MCRIP1: variants seen among roughly 807,000 people sequenced by gnomAD.
The protein encoded by MCRIP1 is MAPK regulated corepressor interacting protein 1.
In MCRIP1, 10 loss-of-function variants were observed where a neutral mutation model predicts 14.4. The observed-to-expected ratio is 0.70, with a 90% CI of 0.43 to 1.18. The LOEUF (loss-of-function observed/expected upper bound fraction) is 1.18. Among genes scored for constraint, MCRIP1 ranks in the 50% most tolerant of loss-of-function variants. The pLI is 0.00. For missense variants in MCRIP1, 119 were observed against 135.4 expected, an observed-to-expected ratio of 0.88 and a Z score of 0.60; for synonymous variants, 53 against 55.7, an observed-to-expected ratio of 0.95 and a Z score of 0.21.
intron 1 of MCRIP1, chr17:81,826,185 C>T: frequency 1.3e-6 from 2 of 1,507,138 alleles, no homozygotes; most frequent in South Asian, 2.6e-5. Context: ...CCCACATCCT[C>T]CCAAGCAACT....
Position 81,823,333 on chromosome 17 carries a change from G to T in MCRIP1, c.230-22C>A. ...AAGGCTGCCAGGGGACAACGCGGTA[G>T]GTGGTGGGCACAGGCCCCTCCTGCC... On this transcript the variant is annotated intron_variant, in intron 4 of 4. Coordinates refer to ENST00000455127, the MANE Select transcript of MCRIP1 (RefSeq NM_207368.5). This position sits in a 1 kb window ranked among gnomAD's most constrained non-coding sequence, Gnocchi z 6.0. 3 of 1,536,906 alleles carry T rather than the reference G, an allele frequency of 2.0e-6. No homozygotes were observed. Among genetic ancestry groups the T allele is most frequent in the Non-Finnish European group, 2.6e-6 (3 of 1,146,756 alleles).
intron 1 of MCRIP1, among the ~76,000 whole-genome samples, chr17:81,831,983 A>C (rs2038529422): frequency 6.6e-6 from 1 of 152,086 alleles, no homozygotes; most frequent in African/African-American, 2.4e-5. Flanking sequence ...GAGGGGACAG[A>C]ACCCCAGTCT....
chr17:81,825,605 T>TG (rs1420502385), intron 1 of MCRIP1: 1 of 1,289,342 alleles, frequency 7.8e-7, no homozygotes, highest in Admixed American at 2.3e-5. Context: ...CTCATGTCAA[T>TG]GGTCCAGCCC....
At chr17:81,828,888 G>A (rs2038463690) in intron 1 of MCRIP1, among the ~76,000 whole-genome samples, 2 of 152,232 alleles carry the variant, frequency 1.3e-5, no homozygotes, top group African/African-American at 2.4e-5. Flanking sequence ...AACCTCAGCG[G>A]GGCGGCCTAG....
chr17:81,829,300 C>A (rs145575020), intron 1 of MCRIP1, among the ~76,000 whole-genome samples: 5,369 of 152,226 alleles, frequency 0.035, 331 homozygotes, highest in African/African-American at 0.12. Context: ...GAGAGACAGC[C>A]CCACTTCAGA....
intron 1 of MCRIP1, chr17:81,824,764 C>T (rs1292834052): frequency 7.7e-6 from 11 of 1,421,868 alleles, no homozygotes; most frequent in Non-Finnish European, 1.0e-5. Flanking sequence ...AGAGAGCTGG[C>T]CAGACGAGCC....
chr17:81,830,458 G>C (rs761087043), intron 1 of MCRIP1, among the ~76,000 whole-genome samples: 2 of 148,722 alleles, frequency 1.3e-5, no homozygotes, highest in Non-Finnish European at 3.0e-5. Context: ...CCAGCATGGT[G>C]AAACCCCGTC....
chr17:81,831,919 T>C (rs958197831), intron 1 of MCRIP1, among the ~76,000 whole-genome samples: 11 of 152,160 alleles, frequency 7.2e-5, no homozygotes, highest in African/African-American at 2.4e-4. Flanking sequence ...GGTAGAACTA[T>C]GTAGAACCTT....
chr17:81,830,593 C>T (rs1420303087), intron 1 of MCRIP1, among the ~76,000 whole-genome samples: 2 of 151,768 alleles, frequency 1.3e-5, no homozygotes, highest in Non-Finnish European at 2.9e-5. Flanking sequence ...GCCAAGATCA[C>T]GCCATTGCAC....
intron 1 of MCRIP1, among the ~76,000 whole-genome samples, chr17:81,827,290 G>A (rs2038426921): frequency 6.6e-6 from 1 of 151,174 alleles, no homozygotes. Context: ...TTATTTATTT[G>A]AGATGGAGTC....
rs777878475 is a variant in MCRIP1, at chr17:81,824,415, C to A, written c.9-10G>T. ...TCTGGAGACGGGGGAGCTGGGGGAGCCTGGCGCATGAGACAGGGCACACAG... is the reference window on the plus strand; with the variant it reads ...TCTGGAGACGGGGGAGCTGGGGGAGACTGGCGCATGAGACAGGGCACACAG... On this transcript the variant is annotated splice_polypyrimidine_tract_variant and intron_variant, in intron 2 of 4. Coordinates refer to ENST00000455127, the MANE Select transcript of MCRIP1 (RefSeq NM_207368.5). 5.8e-5 allele frequency: 89 copies of A among 1,533,316 alleles called. No homozygotes were observed. Among genetic ancestry groups the A allele is most frequent in the South Asian group, 1.2e-5 (1 of 83,900 alleles). 95.0% of individuals were successfully genotyped at this position (1,533,316 alleles called of 1,614,324 possible).
chr17:81,826,223 GTGCA>G, intron 1 of MCRIP1: 2 of 1,523,286 alleles, frequency 1.3e-6, no homozygotes, highest in South Asian at 1.2e-5. Context: ...TTTGCCTTGT[GTGCA>G]CACACACACA....
rs749650035 is a variant in MCRIP1 at position 81,823,219 on chromosome 17, C to T, written c.*28G>A. ...ACCGACACCTCGCACCCTGATCTTC[C>T]GGAGGCCGGGGAGGGGCACCGGGCG... On this transcript the variant is annotated 3_prime_UTR_variant, in exon 5 of 5. Coordinates refer to ENST00000455127, the MANE Select transcript of MCRIP1 (RefSeq NM_207368.5). The surrounding 1 kb of genome is among the most constrained non-coding windows in gnomAD (Gnocchi z 6.0). 1.6e-5 allele frequency: 24 copies of T among 1,534,862 alleles called. No individual in the cohort carries two copies. Among genetic ancestry groups the T allele is most frequent in the Middle Eastern group, 3.9e-4 (2 of 5,116 alleles).
intron 1 of MCRIP1, among the ~76,000 whole-genome samples, chr17:81,827,717 G>A (rs1201829128): frequency 3.3e-5 from 5 of 150,690 alleles, no homozygotes; most frequent in African/African-American, 4.9e-5. Flanking sequence ...GGGAGACTCT[G>A]TCTCTAAGTA....
chr17:81,832,806 A>C (rs2038546632), intron 1 of MCRIP1, among the ~76,000 whole-genome samples: 1 of 152,230 alleles, frequency 6.6e-6, no homozygotes, highest in Admixed American at 6.5e-5. Flanking sequence ...ACAGAAAAAG[A>C]ATGCGGACGG....
chr17:81,824,955 G>T, intron 1 of MCRIP1: 1 of 1,096,608 alleles, frequency 9.1e-7, no homozygotes. Flanking sequence ...CTGCAGCAGA[G>T]GGCCTGCAGC....
At chr17:81,828,640 C>G (rs988893762) in intron 1 of MCRIP1, among the ~76,000 whole-genome samples, 2 of 152,096 alleles carry the variant, frequency 1.3e-5, no homozygotes, top group Non-Finnish European at 2.9e-5. Context: ...AGAGGGGGCA[C>G]CACAGCCCCC....
chr17:81,825,564 G>T, intron 1 of MCRIP1: 3 of 1,288,064 alleles, frequency 2.3e-6, no homozygotes, highest in Non-Finnish European at 3.0e-6. Flanking sequence ...CAGGAGCACT[G>T]AGGCTTCGAG....
chr17:81,826,817 CA>C (rs1169330913), intron 1 of MCRIP1, among the ~76,000 whole-genome samples: 5,388 of 47,066 alleles, frequency 0.11, 386 homozygotes, highest in African/African-American at 0.36. Context: ...GACTCCATCT[CA>C]AAAAAAAAAA....
Sources: allele counts gnomAD v4.1 joint callset (sites outside exome capture counted in the v4.1 genomes callset), GRCh38; gene constraint gnomAD v4.1.1; non-coding constraint Gnocchi (gnomAD v3.1); transcripts MANE v1.5; gene names NCBI Gene and HGNC (gene_info 2026-07-23, HGNC 2026-07-21).